Variants in RNLS observed in about 807,000 individuals in gnomAD.
The protein encoded by RNLS is renalase, FAD dependent amine oxidase.
Under a neutral mutation model 39.8 loss-of-function variants are expected in RNLS, and 39 were observed. That is an observed-to-expected ratio of 0.98 (90% CI 0.76 to 1.28). The LOEUF (loss-of-function observed/expected upper bound fraction) is 1.28. Among genes scored for constraint, RNLS ranks in the 50% most tolerant of loss-of-function variants. RNLS has a pLI of 0.00. For synonymous variants in RNLS, 147 were observed against 150.7 expected, an observed-to-expected ratio of 0.98 and a Z score of 0.18; for missense variants, 410 against 413.3, an observed-to-expected ratio of 0.99 and a Z score of 0.07.
intron 4 of RNLS, among the ~76,000 whole-genome samples, chr10:88,481,184 A>C (rs562648245): frequency 2.6e-5 from 4 of 152,142 alleles, no homozygotes; most frequent in Admixed American, 1.3e-4. Flanking sequence ...CTATCTACTT[A>C]CTTTTAACTA....
At chr10:88,496,844 T>C (rs1411467245) in intron 4 of RNLS, among the ~76,000 whole-genome samples, 1 of 152,118 alleles carries the variant, frequency 6.6e-6, no homozygotes, top group Non-Finnish European at 1.5e-5. Flanking sequence ...ACTTAGTCTT[T>C]CTTATGAGGG....
chr10:88,393,390 C>A (rs558480412), intron 4 of RNLS, among the ~76,000 whole-genome samples: 1 of 152,148 alleles, frequency 6.6e-6, no homozygotes, highest in Non-Finnish European at 1.5e-5. Flanking sequence ...CATTCTTATA[C>A]ACCAATAACA....
chr10:88,487,764 T>C (rs559228906), intron 4 of RNLS, among the ~76,000 whole-genome samples: 3 of 152,262 alleles, frequency 2.0e-5, no homozygotes, highest in East Asian at 3.9e-4. Context: ...TACATGTTCA[T>C]ACAGACTTGC....
chr10:88,249,286 CCT>C, the RNLS span, among the ~76,000 whole-genome samples: 1 of 152,204 alleles, frequency 6.6e-6, no homozygotes, highest in Non-Finnish European at 1.5e-5. Flanking sequence ...AATACCAAAT[CCT>C]CTGTTTCTCT....
chr10:88,395,873 C>A (rs1852527865), intron 4 of RNLS, among the ~76,000 whole-genome samples: 1 of 152,032 alleles, frequency 6.6e-6, no homozygotes, highest in Admixed American at 6.6e-5. Flanking sequence ...TCCAGGGATT[C>A]TCAATAGGAT....
At chr10:88,407,176 C>A (rs1853331150) in intron 4 of RNLS, among the ~76,000 whole-genome samples, 1 of 152,008 alleles carries the variant, frequency 6.6e-6, no homozygotes, top group African/African-American at 2.4e-5. Flanking sequence ...CAAATACCTC[C>A]TGAATCCCAA....
At chr10:88,250,153 C>A in the RNLS span, among the ~76,000 whole-genome samples, 1 of 152,192 alleles carries the variant, frequency 6.6e-6, no homozygotes, top group African/African-American at 2.4e-5. Context: ...AAACTGTGTT[C>A]TAATCACTTT....
At chr10:88,474,557 T>C (rs1212843008) in intron 4 of RNLS, among the ~76,000 whole-genome samples, 1 of 152,174 alleles carries the variant, frequency 6.6e-6, no homozygotes, top group Non-Finnish European at 1.5e-5. Context: ...TGGATTATAA[T>C]AATACCTCTT....
At chr10:88,522,814 T>C (rs184502000) in intron 4 of RNLS, among the ~76,000 whole-genome samples, 1 of 152,228 alleles carries the variant, frequency 6.6e-6, no homozygotes, top group African/African-American at 2.4e-5. Context: ...CAAATAACAA[T>C]CTTCAAATAT....
At chr10:88,481,137 C>G (rs1204146576) in intron 4 of RNLS, among the ~76,000 whole-genome samples, 1 of 152,086 alleles carries the variant, frequency 6.6e-6, no homozygotes, top group South Asian at 2.1e-4. Flanking sequence ...GCCACTACAG[C>G]TTTCTTATGG....
At chr10:88,211,444 G>A in the RNLS span, among the ~76,000 whole-genome samples, 1 of 152,208 alleles carries the variant, frequency 6.6e-6, no homozygotes, top group African/African-American at 2.4e-5. Flanking sequence ...ATCATGCAGA[G>A]TGCAGCAAGT....
intron 1 of RNLS, 110 bp downstream of exon 1, chr10:88,582,963 C>T (rs919373300): frequency 1.0e-5 from 13 of 1,273,426 alleles, no homozygotes; most frequent in South Asian, 9.5e-5. Flanking sequence ...GCTCAGGGAG[C>T]TGAGGGTATA....
rs147627744 is a variant in RNLS, at chr10:88,387,715, T to C, written c.527-24990A>G. 8.1e-3 allele frequency among the ~76,000 whole-genome samples: 1,238 copies of C among 152,292 alleles called. 19 individuals carry two copies. Among genetic ancestry groups the C allele is most frequent in the South Asian group, 0.03 (143 of 4,828 alleles). On this transcript the variant is annotated intron_variant, in intron 4 of 6. Transcript: ENST00000331772. ...CCCAGCTAGTAAGAAAAATAGTGCA[T>C]GTCTTCTGGCTAAAAATCTAACACT... is the stretch of plus-strand genomic sequence containing the variant.
At chr10:88,582,964 T>G in intron 1 of RNLS, 109 bp downstream of exon 1, 1 of 1,278,018 alleles carries the variant, frequency 7.8e-7, no homozygotes, top group Non-Finnish European at 1.1e-6. Context: ...CTCAGGGAGC[T>G]GAGGGTATAG....
chr10:88,203,264 G>A, the RNLS span, among the ~76,000 whole-genome samples: 39 of 5,080 alleles, frequency 7.7e-3, 2 homozygotes, highest in African/African-American at 0.055. Context: ...GTGTGTGTGT[G>A]TATGTATATA....
chr10:88,212,932 A>T, the RNLS span, among the ~76,000 whole-genome samples: 1 of 152,258 alleles, frequency 6.6e-6, no homozygotes, highest in East Asian at 1.9e-4. Flanking sequence ...AGCAGAACAA[A>T]ATAGTACCAG....
At chr10:88,407,332 T>C (rs959582608) in intron 4 of RNLS, among the ~76,000 whole-genome samples, 1 of 152,046 alleles carries the variant, frequency 6.6e-6, no homozygotes, top group African/African-American at 2.4e-5. Flanking sequence ...AATGCAACAT[T>C]TATTGTTTTT....
downstream of RNLS, among the ~76,000 whole-genome samples, chr10:88,279,279 G>A (rs1012914345): frequency 4.6e-5 from 7 of 152,070 alleles, no homozygotes; most frequent in East Asian, 1.9e-4. Context: ...ATGTAGTGAC[G>A]GCTATCAAAG....
chr10:88,499,977 C>T (rs1845382966), intron 4 of RNLS, among the ~76,000 whole-genome samples: 1 of 152,102 alleles, frequency 6.6e-6, no homozygotes, highest in African/African-American at 2.4e-5. Context: ...AAAAATTCTT[C>T]TACTGGCAGG....
Sources: allele counts gnomAD v4.1 joint callset (sites outside exome capture counted in the v4.1 genomes callset), GRCh38; gene constraint gnomAD v4.1.1; transcripts MANE v1.5; gene names NCBI Gene and HGNC (gene_info 2026-07-23, HGNC 2026-07-21).